STK33: variants seen among roughly 807,000 people sequenced by gnomAD.
STK33 encodes serine/threonine-protein kinase 33.
A neutral mutation model predicts 58.0 loss-of-function variants in STK33; 52 were observed. That is an observed-to-expected ratio of 0.90 (90% CI 0.72 to 1.13). STK33 has a LOEUF of 1.13. STK33 is among the 50% of genes most tolerant of loss of function. The pLI is 0.00. For synonymous variants in STK33, 215 were observed against 200.1 expected (o/e 1.07, Z -0.63); for missense variants, 630 against 604.2 (o/e 1.04, Z -0.45).
intron 1 of STK33, among the ~76,000 whole-genome samples, chr11:8,547,717 T>C (rs1956034941): frequency 6.6e-6 from 1 of 152,322 alleles, no homozygotes; most frequent in Non-Finnish European, 1.5e-5. Context: ...AAAAGCTTTT[T>C]AACTTAATGT....
At chr11:8,426,054 CACAAGG>C (rs1313649481) in intron 14 of STK33, among the ~76,000 whole-genome samples, 2 of 152,212 alleles carry the variant, frequency 1.3e-5, no homozygotes, top group Non-Finnish European at 2.9e-5. Context: ...CCTGCCTCAT[CACAAGG>C]ACAGAGGGCT....
chr11:8,538,320 T>C (rs1591688982), intron 1 of STK33, among the ~76,000 whole-genome samples: 1 of 152,220 alleles, frequency 6.6e-6, no homozygotes, highest in African/African-American at 2.4e-5. Flanking sequence ...ACTACAATTA[T>C]CTGAATTTTA....
At chr11:8,542,564 T>C (rs894102771) in intron 1 of STK33, among the ~76,000 whole-genome samples, 2 of 152,122 alleles carry the variant, frequency 1.3e-5, no homozygotes, top group African/African-American at 4.8e-5. Flanking sequence ...TGCATATGGC[T>C]GCACCACAAG....
At chr11:8,583,339 TA>T (rs144369222) in intron 1 of STK33, among the ~76,000 whole-genome samples, 1,822 of 150,850 alleles carry the variant, frequency 0.012, 39 homozygotes, top group African/African-American at 0.042. Context: ...ATATTTCTAC[TA>T]AAAAAAAATG....
At chr11:8,420,423 T>C (rs145848015) in intron 14 of STK33, among the ~76,000 whole-genome samples, 109 of 152,304 alleles carry the variant, frequency 7.2e-4, no homozygotes, top group African/African-American at 2.6e-3. Flanking sequence ...TTTGAGAAAT[T>C]AATGAATTTA....
At chr11:8,450,406 G>T (rs1389916183) in intron 11 of STK33, among the ~76,000 whole-genome samples, 1 of 152,040 alleles carries the variant, frequency 6.6e-6, no homozygotes, top group Non-Finnish European at 1.5e-5. Flanking sequence ...GGGCCTGTTG[G>T]GGGGTTGGGA....
intron 1 of STK33, among the ~76,000 whole-genome samples, chr11:8,577,000 T>G (rs1367149559): frequency 6.6e-6 from 1 of 152,200 alleles, no homozygotes; most frequent in Non-Finnish European, 1.5e-5. Flanking sequence ...TCCTCCTGTC[T>G]TAGCCTCCCA....
At chr11:8,569,228 A>G (rs1957642414) in intron 1 of STK33, among the ~76,000 whole-genome samples, 1 of 152,216 alleles carries the variant, frequency 6.6e-6, no homozygotes, top group Admixed American at 6.5e-5. Flanking sequence ...TGGAAGACTC[A>G]CACTACCTTG....
chr11:8,482,290 G>A (rs751693532), intron 1 of STK33, among the ~76,000 whole-genome samples: 6 of 152,184 alleles, frequency 3.9e-5, no homozygotes, highest in Admixed American at 1.3e-4. Flanking sequence ...AATAAGAAAA[G>A]GCACTTAATG....
intron 1 of STK33, among the ~76,000 whole-genome samples, chr11:8,482,494 A>G (rs1949884412): frequency 6.6e-6 from 1 of 152,210 alleles, no homozygotes; most frequent in Non-Finnish European, 1.5e-5. Context: ...TTATGAAGGC[A>G]TAGGTTTCAC....
At position 8,392,562 on chromosome 11, in the gene STK33, G is replaced by A; in HGVS notation, c.1493C>T (p.Thr498Ile). 6.2e-7 allele frequency: 1 copy of A among 1,614,186 alleles called. No homozygotes were observed. Among genetic ancestry groups the A allele is most frequent in the Non-Finnish European group, 8.5e-7 (1 of 1,180,038 alleles). Reference protein sequence around the residue: ...TPVTPSQGTATKYPAKSGALS... With the variant: ...TPVTPSQGTAIKYPAKSGALS... The stretch of plus-strand genomic sequence containing the variant: ...GGCGCCGGATTTAGCAGGGTACTTG[G>A]TTGCTGTTCCTTGGCTTGGAGTCAC... The change falls in exon 16 of 16, where the codon ACC (threonine) becomes ATC (isoleucine). Residue 498 changes from threonine (T) to isoleucine (I), a missense_variant. Coordinates refer to ENST00000687296, the MANE Select transcript of STK33 (RefSeq NM_001352389.2).
chr11:8,398,290 C>G (rs546092172), intron 15 of STK33, among the ~76,000 whole-genome samples: 3 of 152,340 alleles, frequency 2.0e-5, no homozygotes, highest in Admixed American at 6.5e-5. Flanking sequence ...AGCCAGAAGA[C>G]AGTGGGGGCC....
chr11:8,380,151 G>A, the STK33 span, among the ~76,000 whole-genome samples: 1 of 152,274 alleles, frequency 6.6e-6, no homozygotes, highest in South Asian at 2.1e-4. Context: ...ACCCAGTAAT[G>A]GGATTGCTGG....
chr11:8,394,780 A>G (rs1412552001), intron 15 of STK33, among the ~76,000 whole-genome samples: 1 of 152,178 alleles, frequency 6.6e-6, no homozygotes, highest in Non-Finnish European at 1.5e-5. Flanking sequence ...AAACTAAACA[A>G]TGTTTAGTTG....
chr11:8,589,147 A>G (rs1245561899), intron 1 of STK33, among the ~76,000 whole-genome samples: 1 of 152,198 alleles, frequency 6.6e-6, no homozygotes, highest in East Asian at 1.9e-4. Context: ...CCATACGATC[A>G]GCAATTCCAC....
chr11:8,372,596 G>C, the STK33 span, among the ~76,000 whole-genome samples: 2 of 152,272 alleles, frequency 1.3e-5, no homozygotes, highest in African/African-American at 4.8e-5. Context: ...CTTTGGATTT[G>C]AGGCCTGCTC....
chr11:8,437,995 C>A (rs1305974487), intron 12 of STK33, among the ~76,000 whole-genome samples: 3 of 152,106 alleles, frequency 2.0e-5, no homozygotes, highest in Non-Finnish European at 2.9e-5. Flanking sequence ...AGAAAAATGG[C>A]CTTCTGGACA....
intron 1 of STK33, among the ~76,000 whole-genome samples, chr11:8,549,930 T>C (rs766469653): frequency 2.0e-5 from 3 of 152,196 alleles, no homozygotes; most frequent in African/African-American, 4.8e-5. Flanking sequence ...TTTAAATTCA[T>C]TGATTTTTTA....
At chr11:8,561,566 T>G (rs1957113704) in intron 1 of STK33, among the ~76,000 whole-genome samples, 1 of 152,216 alleles carries the variant, frequency 6.6e-6, no homozygotes, top group Non-Finnish European at 1.5e-5. Flanking sequence ...AATCTGCAGA[T>G]TACTAATCCG....
Sources: allele counts gnomAD v4.1 joint callset (sites outside exome capture counted in the v4.1 genomes callset), GRCh38; gene constraint gnomAD v4.1.1; transcripts MANE v1.5; gene names NCBI Gene and HGNC (gene_info 2026-07-23, HGNC 2026-07-21).